The following CACNA1C variants were observed in gnomAD, a reference collection of about 807,000 sequenced individuals.
CACNA1C encodes the protein calcium voltage-gated channel subunit alpha1 C.
Under a neutral mutation model 229.0 loss-of-function variants are expected in CACNA1C, and 30 were observed. That is an observed-to-expected ratio of 0.13 (90% CI 0.10 to 0.18). CACNA1C has a LOEUF of 0.18. Ranked by LOEUF, CACNA1C falls within the 10% of genes least tolerant of loss-of-function variation. The pLI, the probability that CACNA1C is intolerant of heterozygous loss-of-function variation, is 1.00. For missense variants in CACNA1C, 1,658 were observed against 2,845.0 expected (o/e 0.58, Z 9.49); for synonymous variants, 1,114 against 1,132.5 (o/e 0.98, Z 0.33).
chr12:2,117,304 C>T (rs935385217), intron 2 of CACNA1C, among the ~76,000 whole-genome samples: 3 of 150,656 alleles, frequency 2.0e-5, no homozygotes, highest in African/African-American at 7.5e-5. Context: ...AATGTTTGAG[C>T]CCCTCAACTT....
chr12:2,136,276 G>A (rs1476972093), intron 3 of CACNA1C, among the ~76,000 whole-genome samples: 1 of 151,390 alleles, frequency 6.6e-6, no homozygotes, highest in Non-Finnish European at 1.5e-5. Flanking sequence ...CACGCTGAGA[G>A]CTGTAGACCG....
chr12:2,459,730 C>T (rs1376513700), intron 5 of CACNA1C, among the ~76,000 whole-genome samples: 1 of 152,164 alleles, frequency 6.6e-6, no homozygotes, highest in African/African-American at 2.4e-5. Flanking sequence ...TGACTTTGAA[C>T]ATGACTTTAA....
At chr12:2,681,997 C>T (rs1199346018) in intron 42 of CACNA1C, 4 of 1,611,758 alleles carry the variant, frequency 2.5e-6, no homozygotes, top group Non-Finnish European at 3.4e-6. Context: ...AGGAGGGATT[C>T]AGGCTCAGCA....
At chr12:1,993,710 A>G (rs1383647421) in intron 1 of CACNA1C, among the ~76,000 whole-genome samples, 2 of 151,914 alleles carry the variant, frequency 1.3e-5, no homozygotes, top group African/African-American at 4.8e-5. Flanking sequence ...TTTAAGGCAG[A>G]GTAACTACTT....
rs1378536103 is a variant in CACNA1C, at chr12:2,410,662, T to C, written c.478-38314T>C. Among the ~76,000 whole-genome samples the C allele has an allele frequency of 6.6e-6, 1 of 151,094 alleles. No individual in the cohort carries two copies. The highest frequency in any genetic ancestry group is 2.4e-5 in the African/African-American group (1 of 40,960). Reference sequence around the variant, plus strand: ...GTGTGTGTGTGCATGCGTGTGTGTGTTCCAGGAGCTGACTCTAGCTGTGAG... The same window carrying C: ...GTGTGTGTGTGCATGCGTGTGTGTGCTCCAGGAGCTGACTCTAGCTGTGAG... On this transcript the variant is annotated intron_variant, in intron 3 of 46. Transcript: ENST00000399655. The surrounding 1 kb of genome is among the most constrained non-coding windows in gnomAD (Gnocchi z 5.3).
intron 1 of CACNA1C, among the ~76,000 whole-genome samples, chr12:1,984,153 A>C (rs1323780732): frequency 2.0e-5 from 3 of 152,062 alleles, no homozygotes; most frequent in Admixed American, 6.5e-5. Flanking sequence ...TAGAAAGCAT[A>C]TAGTTAGGCC....
intron 3 of CACNA1C, among the ~76,000 whole-genome samples, chr12:2,363,092 A>G (rs949735405): frequency 7.9e-5 from 12 of 152,090 alleles, no homozygotes; most frequent in African/African-American, 2.7e-4. Context: ...GCACTCCCAC[A>G]TGGTCACAGT....
At chr12:2,661,270 T>TACACACATACACACACAC (rs2095708113) in intron 34 of CACNA1C, among the ~76,000 whole-genome samples, 1 of 131,162 alleles carries the variant, frequency 7.6e-6, no homozygotes, top group Non-Finnish European at 1.6e-5. Flanking sequence ...TCTAAACACA[T>TACACACATACACACACAC]ACACACACAT....
In CACNA1C at chr12:2,512,622, G is replaced by C. The variant is rs1191731803; in HGVS notation, c.1218-190G>C. Among the ~76,000 whole-genome samples the C allele has an allele frequency of 6.6e-6, 1 of 152,160 alleles. No individual in the cohort carries two copies. The highest frequency in any genetic ancestry group is 1.9e-4 in the East Asian group (1 of 5,184). ...ACTGACGCTTCCCATCGAGGTGATA[G>C]TAGACCTAACCTAGGCTGACTAGCG... On this transcript the variant is annotated intron_variant, in intron 8 of 46. Transcript: ENST00000399655. This position sits in a 1 kb window ranked among gnomAD's most constrained non-coding sequence, Gnocchi z 4.3.
chr12:2,604,403 G>C (rs2074285659), intron 22 of CACNA1C, among the ~76,000 whole-genome samples: 1 of 152,126 alleles, frequency 6.6e-6, no homozygotes, highest in Non-Finnish European at 1.5e-5. Context: ...AGTGTGCTCT[G>C]GGTGGGTTTT....
At chr12:2,148,909 C>T (rs1316253202) in intron 3 of CACNA1C, among the ~76,000 whole-genome samples, 2 of 152,144 alleles carry the variant, frequency 1.3e-5, no homozygotes, top group Admixed American at 6.5e-5. Context: ...TGGCGGGTGG[C>T]CCTGGGACTC....
At chr12:2,049,302 A>G (rs2051674612), upstream of CACNA1C, 1 of 152,244 alleles carries the variant, frequency 6.6e-6, no homozygotes, top group Non-Finnish European at 1.5e-5. Context: ...TAAAATGTGG[A>G]TAAAAGCAAT....
At chr12:2,391,923 G>A (rs1242501740) in intron 3 of CACNA1C, among the ~76,000 whole-genome samples, 2 of 152,198 alleles carry the variant, frequency 1.3e-5, no homozygotes, top group Admixed American at 6.5e-5. Flanking sequence ...CACGTGGCTG[G>A]TGGCCACCAT....
chr12:2,021,213 T>C (rs1413629171), intron 1 of CACNA1C, among the ~76,000 whole-genome samples: 1 of 152,190 alleles, frequency 6.6e-6, no homozygotes, highest in Non-Finnish European at 1.5e-5. Flanking sequence ...GTCATTTTTA[T>C]CTTACAGTTG....
At chr12:2,306,083 C>T (rs1008766543) in intron 3 of CACNA1C, among the ~76,000 whole-genome samples, 1 of 152,226 alleles carries the variant, frequency 6.6e-6, no homozygotes, top group Non-Finnish European at 1.5e-5. Flanking sequence ...TGAGCCCAGG[C>T]AGCCTCACTG....
rs1235122440 is a variant in CACNA1C, at chr12:2,566,521, C to T, written c.1608C>T (p.Leu536=). ...GGCTGGTGATTTTCCTGGTGTTCCT[C>T]AACACGCTCACCATTGCCTCTGAGC... ...FYWLVIFLVF[L]NTLTIASEHY... Residue 536 remains leucine (L), a synonymous_variant, in exon 12 of 47, where the codon CTC becomes CTT. Coordinates refer to ENST00000399655, the MANE Select transcript of CACNA1C (RefSeq NM_000719.7). The surrounding 1 kb of genome is among the most constrained non-coding windows in gnomAD (Gnocchi z 4.0). 8 of 1,594,498 alleles carry T rather than the reference C, an allele frequency of 5.0e-6. No homozygotes were observed. Among genetic ancestry groups the T allele is most frequent in the African/African-American group, 1.3e-5 (1 of 74,604 alleles).
chr12:2,215,175 A>G lies in CACNA1C; in HGVS notation c.477+94745A>G, dbSNP rs1168752587. Among the ~76,000 whole-genome samples, 1 of 152,196 alleles carries G rather than the reference A, an allele frequency of 6.6e-6. No homozygotes were observed. The highest frequency in any genetic ancestry group is 1.5e-5 in the Non-Finnish European group (1 of 68,036). ...CCCTGGTCACTGAGACATCAGAGAC[A>G]TGTCAATCTGAGTCCCTTTGCTTGG... On this transcript the variant is annotated intron_variant, in intron 3 of 46. Transcript: ENST00000399655. This position sits in a 1 kb window ranked among gnomAD's most constrained non-coding sequence, Gnocchi z 5.0.
intron 3 of CACNA1C, among the ~76,000 whole-genome samples, chr12:2,360,879 G>T: frequency 6.6e-6 from 1 of 152,084 alleles, no homozygotes. Context: ...AGTTGGGAAG[G>T]ATGAGGAAAA....
chr12:2,591,550 G>T (rs1003482992), intron 18 of CACNA1C, among the ~76,000 whole-genome samples: 2 of 152,320 alleles, frequency 1.3e-5, no homozygotes, highest in South Asian at 4.1e-4. Context: ...TCCCTGGAGC[G>T]TGAGTACTCA....
Sources: gnomAD v4.1 joint callset for allele counts (sites outside exome capture counted in the v4.1 genomes callset) on GRCh38, gnomAD v4.1.1 for gene constraint, Gnocchi (gnomAD v3.1) non-coding constraint, MANE v1.5 for transcripts, NCBI Gene and HGNC (gene_info 2026-07-23, HGNC 2026-07-21) for gene names.